Variants in MEGF11 observed in about 807,000 individuals in gnomAD.
MEGF11 encodes the protein multiple EGF like domains 11, also known as multiple epidermal growth factor-like domains protein 11.
MEGF11 carries 126 observed loss-of-function variants against 146.6 expected under a neutral mutation model. The ratio of observed to expected loss-of-function variants is 0.86; its 90% confidence interval spans 0.74 to 1.00. The LOEUF (loss-of-function observed/expected upper bound fraction) is 1.00, where lower values mean the gene tolerates loss of function less well. Ranked by LOEUF, MEGF11 falls within the 50% of genes least tolerant of loss-of-function variation. The pLI is 0.00. For synonymous variants in MEGF11, 532 were observed against 583.4 expected (o/e 0.91, Z 1.27); for missense variants, 1,509 against 1,521.2 (o/e 0.99, Z 0.13).
intron 1 of MEGF11, among the ~76,000 whole-genome samples, chr15:66,197,003 G>C (rs541003212): frequency 6.6e-6 from 1 of 152,334 alleles, no homozygotes; most frequent in South Asian, 2.1e-4. Context: ...CATTTACAGA[G>C]CATGGATCCC....
At chr15:66,066,210 C>A (rs959900904) in intron 5 of MEGF11, among the ~76,000 whole-genome samples, 2 of 152,128 alleles carry the variant, frequency 1.3e-5, no homozygotes, top group African/African-American at 2.4e-5. Context: ...CAGGACATTT[C>A]CCTGAGGGCA....
intron 7 of MEGF11, chr15:65,970,998 G>A (rs951552387): frequency 5.0e-6 from 2 of 402,438 alleles, no homozygotes; most frequent in African/African-American, 4.0e-5. Flanking sequence ...CAAAAAAACC[G>A]CTAAGTACAA....
At chr15:65,992,080 C>T (rs886965488) in intron 5 of MEGF11, among the ~76,000 whole-genome samples, 6 of 152,316 alleles carry the variant, frequency 3.9e-5, no homozygotes, top group South Asian at 2.1e-4. Flanking sequence ...GGCAGTGTCT[C>T]GGGCAGCAGG....
chr15:66,020,405 A>T (rs2083069891), intron 5 of MEGF11, among the ~76,000 whole-genome samples: 1 of 152,182 alleles, frequency 6.6e-6, no homozygotes, highest in Non-Finnish European at 1.5e-5. Flanking sequence ...ATTGCTGACA[A>T]CATCATCTGA....
In MEGF11 at chr15:65,913,755, T is replaced by C; in HGVS notation, c.2692A>G (p.Thr898Ala). ...CCCTTACCTGAGAGGGAGTAGTCGG[T>C]GCTGGTCATCCTCATGGCAGGTGTG... is the stretch of plus-strand genomic sequence containing the variant. ...SYTPAMRMTS[T>A]DYSLSDLSQS... is the part of the protein sequence containing the mutation. Residue 898 changes from threonine to alanine, a missense_variant, in exon 20 of 26, where the codon ACC becomes GCC. By Grantham distance (58) the Thr-to-Ala change is moderately conservative. Transcript: ENST00000395614. The C allele has an allele frequency of 6.2e-7, 1 of 1,612,884 alleles. No homozygotes were observed. Among genetic ancestry groups the C allele is most frequent in the Non-Finnish European group, 8.5e-7 (1 of 1,179,428 alleles).
chr15:66,167,927 T>TC (rs1178728760), intron 1 of MEGF11, among the ~76,000 whole-genome samples: 3 of 152,044 alleles, frequency 2.0e-5, no homozygotes, highest in African/African-American at 4.8e-5. Flanking sequence ...ATGTAGCCTT[T>TC]CCCCCCTGAA....
chr15:65,993,372 C>A (rs1567194020), intron 5 of MEGF11, among the ~76,000 whole-genome samples: 2 of 152,202 alleles, frequency 1.3e-5, no homozygotes, highest in African/African-American at 4.8e-5. Context: ...CACCCACAGG[C>A]TTTTAATGAA....
intron 5 of MEGF11, among the ~76,000 whole-genome samples, chr15:66,035,900 G>C (rs906082850): frequency 6.6e-6 from 1 of 152,190 alleles, no homozygotes; most frequent in Non-Finnish European, 1.5e-5. Context: ...CACATCTACG[G>C]GTGAATCTGT....
In MEGF11 at chr15:65,935,234, C is replaced by T. The variant is rs747626625; in HGVS notation, c.1288-4291G>A. ...ACTTGGGAGGCTGAGGCAGGGGAAT[C>T]GCTTGAACCCGGGAGGTGGAGATTG... On this transcript the variant is annotated intron_variant, in intron 10 of 25. Coordinates refer to ENST00000395614, the MANE Select transcript of MEGF11 (RefSeq NM_001385028.1). Among the ~76,000 whole-genome samples the T allele has an allele frequency of 4.0e-4, 57 of 140,834 alleles. 1 individual carries two copies. Among genetic ancestry groups the T allele is most frequent in the Admixed American group, 2.6e-3 (34 of 13,172 alleles). The allele number at this position is 140,834 out of a possible 152,430, so 92.4% of individuals were successfully genotyped here. A position where few individuals can be genotyped will look rare whatever the true frequency, so the allele number is the denominator to read the frequency against.
chr15:66,098,149 G>A (rs2086631214), intron 4 of MEGF11, among the ~76,000 whole-genome samples: 1 of 152,208 alleles, frequency 6.6e-6, no homozygotes, highest in Admixed American at 6.5e-5. Context: ...TGGAAGGCCA[G>A]GGCATCAGTT....
At position 66,141,977 on chromosome 15, in the gene MEGF11, C is replaced by T. The variant is rs374787226; in HGVS notation, c.-8-13566G>A. Among the ~76,000 whole-genome samples the T allele has an allele frequency of 2.3e-3, 351 of 151,982 alleles. 1 individual carries two copies. The highest frequency in any genetic ancestry group is 8.0e-3 in the African/African-American group (331 of 41,418). On this transcript the variant is annotated intron_variant, in intron 1 of 25. Coordinates refer to ENST00000395614, the MANE Select transcript of MEGF11 (RefSeq NM_001385028.1). ...GTGTGTGTTGGGTCGGTGGGGGGAT[C>T]GGCGGCAATAACTGGCAAGAGATCT...
At chr15:65,926,467 C>A (rs1436250318) in intron 13 of MEGF11, among the ~76,000 whole-genome samples, 1 of 152,208 alleles carries the variant, frequency 6.6e-6, no homozygotes, top group Non-Finnish European at 1.5e-5. Context: ...TGTCAGTAAG[C>A]CTATGGCTTA....
At chr15:66,087,945 GAA>G (rs758762525) in intron 5 of MEGF11, among the ~76,000 whole-genome samples, 22 of 152,264 alleles carry the variant, frequency 1.4e-4, no homozygotes, top group Admixed American at 1.2e-3. Flanking sequence ...ACCAAGAAAA[GAA>G]GAGAGAAAAT....
chr15:66,142,426 T>C (rs1275721266), intron 1 of MEGF11, among the ~76,000 whole-genome samples: 1 of 152,172 alleles, frequency 6.6e-6, no homozygotes, highest in Admixed American at 6.5e-5. Context: ...GAGATGAGGA[T>C]AAAATCACCC....
intron 1 of MEGF11, among the ~76,000 whole-genome samples, chr15:66,210,146 A>G (rs1018461778): frequency 5.9e-5 from 9 of 152,160 alleles, no homozygotes; most frequent in African/African-American, 1.9e-4. Flanking sequence ...CTATATTTTG[A>G]CTACATTCAT....
At chr15:66,253,022 A>G (rs915935564) in intron 1 of MEGF11, among the ~76,000 whole-genome samples, 21 of 152,308 alleles carry the variant, frequency 1.4e-4, no homozygotes, top group African/African-American at 4.8e-4. Flanking sequence ...AAATAGGGGG[A>G]TACACGTTCC....
At chr15:65,922,123 C>T in intron 15 of MEGF11, 1 of 591,282 alleles carries the variant, frequency 1.7e-6, no homozygotes, top group Non-Finnish European at 3.0e-6. Context: ...AAATCACAGA[C>T]AAATCATTTC....
At chr15:65,965,505 G>A (rs2141566302) in intron 8 of MEGF11, 1 of 185,480 alleles carries the variant, frequency 5.4e-6, no homozygotes, top group East Asian at 1.4e-4. Context: ...GTGGCCTTTG[G>A]GAGGTGATTA....
At chr15:66,071,605 C>T (rs1481671767) in intron 5 of MEGF11, among the ~76,000 whole-genome samples, 1 of 152,210 alleles carries the variant, frequency 6.6e-6, no homozygotes, top group Non-Finnish European at 1.5e-5. Context: ...GGGGATCTGT[C>T]ATTTCTCATG....
Sources: allele counts gnomAD v4.1 joint callset (sites outside exome capture counted in the v4.1 genomes callset), GRCh38; gene constraint gnomAD v4.1.1; transcripts MANE v1.5; gene names NCBI Gene and HGNC (gene_info 2026-07-23, HGNC 2026-07-21).